The following RBM27 variants were observed in gnomAD, a reference collection of about 807,000 sequenced individuals.
RBM27 encodes the protein RNA-binding protein 27.
Under a neutral mutation model 135.3 loss-of-function variants are expected in RBM27, and 22 were observed. That is an observed-to-expected ratio of 0.16 (90% CI 0.12 to 0.23). The LOEUF is 0.23. Among genes scored for constraint, RBM27 ranks in the 10% least tolerant of loss-of-function variants. The pLI is 1.00. For missense variants in RBM27, 1,009 were observed against 1,281.0 expected (o/e 0.79, Z 3.24); for synonymous variants, 481 against 442.4 (o/e 1.09, Z -1.10).
At chr5:146,284,080 TAG>T (rs1180816036) in intron 19 of RBM27, among the ~76,000 whole-genome samples, 1 of 152,170 alleles carries the variant, frequency 6.6e-6, no homozygotes, top group Non-Finnish European at 1.5e-5. Flanking sequence ...TTTTATGAGT[TAG>T]GATAGTATTA....
intron 8 of RBM27, among the ~76,000 whole-genome samples, chr5:146,246,973 C>T (rs1757653734): frequency 6.6e-6 from 1 of 151,738 alleles, no homozygotes; most frequent in African/African-American, 2.4e-5. Flanking sequence ...AAGCAGGCCT[C>T]CTGTCTCAGC....
Position 146,267,689 on chromosome 5 carries a change from C to A in RBM27, c.2372C>A (p.Ser791Tyr). The change falls in exon 15 of 21, where the codon TCC becomes TAC. Residue 791 changes from serine (S) to tyrosine (Y), a missense_variant. Ser to Tyr is a moderately radical substitution (Grantham distance 144). Transcript: ENST00000265271. ...TPGHPKMIYS[S>Y]SNLKTPSKLC... ...GGCCATCCAAAAATGATTTACAGCT[C>A]CTCAAACTTAAAGACACCTTCAAAG... 1 of 1,597,358 alleles carries A rather than the reference C, an allele frequency of 6.3e-7. No individual in the cohort carries two copies. Among genetic ancestry groups the A allele is most frequent in the Non-Finnish European group, 8.5e-7 (1 of 1,170,130 alleles).
rs758134635 is a variant in RBM27 at position 146,288,939 on chromosome 5, A to G, written c.*2909A>G. ...GGAATAGTGGTTCCTCTTGATGTAT[A>G]GTATGCCTGTATTATAGTTTTTACA... On this transcript the variant is annotated 3_prime_UTR_variant, in exon 21 of 21. Transcript: ENST00000265271. The G allele has an allele frequency of 2.0e-5, 3 of 152,136 alleles. No individual in the cohort carries two copies. Among genetic ancestry groups the G allele is most frequent in the Non-Finnish European group, 4.4e-5 (3 of 67,948 alleles). The allele number at this position is 152,136 out of a possible 1,614,324, so 9.4% of individuals were successfully genotyped here.
intron 7 of RBM27, among the ~76,000 whole-genome samples, chr5:146,236,930 CTTT>C (rs36073661): frequency 6.4e-5 from 3 of 47,170 alleles, no homozygotes; most frequent in Non-Finnish European, 1.2e-4. Context: ...TATGATGGTC[CTTT>C]TTTTTTTTTT....
chr5:146,238,037 A>C (rs1468137383), intron 8 of RBM27, among the ~76,000 whole-genome samples: 1 of 152,140 alleles, frequency 6.6e-6, no homozygotes, highest in Non-Finnish European at 1.5e-5. Flanking sequence ...TTTTTAAAAA[A>C]ATTGTTTATC....
intron 1 of RBM27, among the ~76,000 whole-genome samples, chr5:146,216,213 C>T (rs1756186461): frequency 6.6e-6 from 1 of 152,154 alleles, no homozygotes; most frequent in Non-Finnish European, 1.5e-5. Context: ...CATGCCACCA[C>T]ACCTGGTTAA....
chr5:146,247,956 G>A (rs1757702018), intron 8 of RBM27, among the ~76,000 whole-genome samples: 1 of 152,110 alleles, frequency 6.6e-6, no homozygotes, highest in South Asian at 2.1e-4. Flanking sequence ...TTTATTGCTA[G>A]CATTCCATAT....
chr5:146,274,549 A>G (rs956270042), intron 19 of RBM27, among the ~76,000 whole-genome samples: 2 of 152,174 alleles, frequency 1.3e-5, no homozygotes, highest in Non-Finnish European at 2.9e-5. Flanking sequence ...GATTACAGGC[A>G]TGAGCCACCG....
chr5:146,274,483 C>G (rs998779091), intron 19 of RBM27, among the ~76,000 whole-genome samples: 1 of 152,166 alleles, frequency 6.6e-6, no homozygotes, highest in Non-Finnish European at 1.5e-5. Context: ...TGGTCTCAAA[C>G]TCCTGGCCTC....
intron 8 of RBM27, among the ~76,000 whole-genome samples, chr5:146,240,414 C>T (rs1757358725): frequency 6.6e-6 from 1 of 152,038 alleles, no homozygotes; most frequent in Non-Finnish European, 1.5e-5. Context: ...GCAACCTCTG[C>T]CTCCCGGGTT....
intron 10 of RBM27, among the ~76,000 whole-genome samples, chr5:146,257,513 G>A (rs1338063045): frequency 6.6e-6 from 1 of 152,094 alleles, no homozygotes; most frequent in Non-Finnish European, 1.5e-5. Context: ...ATGCTCTCTT[G>A]TATACTCTCT....
intron 3 of RBM27, 33 bp downstream of exon 3, chr5:146,223,560 C>A: frequency 6.3e-7 from 1 of 1,583,996 alleles, no homozygotes; most frequent in Non-Finnish European, 8.5e-7. Context: ...CTTTTGGGGG[C>A]TTCTTAGATC....
At chr5:146,263,666 A>C in intron 14 of RBM27, 35 bp downstream of exon 14, 1 of 1,605,232 alleles carries the variant, frequency 6.2e-7, no homozygotes, top group Non-Finnish European at 8.5e-7. Context: ...TATATTTAGA[A>C]TCATTCAGTG....
intron 1 of RBM27, among the ~76,000 whole-genome samples, chr5:146,214,999 G>T (rs1756128069): frequency 6.6e-6 from 1 of 152,048 alleles, no homozygotes; most frequent in South Asian, 2.1e-4. Context: ...GCCTAACTTG[G>T]CATATGGTTT....
chr5:146,263,486 T>C lies in RBM27; in HGVS notation c.2191-5T>C. The stretch of plus-strand genomic sequence containing the variant: ...GCCACATAAGTGTTCATTTTGTATG[T>C]GCAGATGATGAGCAAACCACAGACA... On this transcript the variant is annotated splice_polypyrimidine_tract_variant and splice_region_variant and intron_variant, in intron 13 of 20. Coordinates refer to ENST00000265271, the MANE Select transcript of RBM27 (RefSeq NM_018989.2). 1 of 1,612,402 alleles carries C rather than the reference T, an allele frequency of 6.2e-7. No homozygotes were observed. The highest frequency in any genetic ancestry group is 1.3e-5 in the African/African-American group (1 of 75,024).
At chr5:146,275,398 G>T (rs1759053244) in intron 19 of RBM27, among the ~76,000 whole-genome samples, 1 of 151,860 alleles carries the variant, frequency 6.6e-6, no homozygotes, top group Non-Finnish European at 1.5e-5. Context: ...AGTCCCTCCA[G>T]TAGTTGGGAT....
intron 9 of RBM27, 32 bp downstream of exon 9, chr5:146,251,907 A>G: frequency 2.5e-6 from 4 of 1,603,390 alleles, no homozygotes; most frequent in Non-Finnish European, 3.4e-6. Context: ...CATCCACCTC[A>G]CTGATCTTTT....
chr5:146,220,359 C>T (rs2126713073), intron 2 of RBM27, among the ~76,000 whole-genome samples: 1 of 151,830 alleles, frequency 6.6e-6, no homozygotes, highest in Non-Finnish European at 1.5e-5. Context: ...CCTGTAGTCC[C>T]AGCTACTCGG....
Position 146,204,072 on chromosome 5 carries a change from C to T in RBM27, c.59+248C>T, listed in dbSNP as rs140164928. The stretch of plus-strand genomic sequence containing the variant: ...GCAAGGACAGCGAAGGCTTTTCAAA[C>T]GCAAATATCGGGGTGCTGGAAGGGG... On this transcript the variant is annotated intron_variant, in intron 1 of 20. Transcript: ENST00000265271. Among the ~76,000 whole-genome samples, 31 of 152,114 alleles carry T rather than the reference C, an allele frequency of 2.0e-4. No homozygotes were observed. In the East Asian group the frequency reaches 5.8e-3, roughly 28 times the overall value.
Sources: allele counts gnomAD v4.1 joint callset (sites outside exome capture counted in the v4.1 genomes callset), GRCh38; gene constraint gnomAD v4.1.1; transcripts MANE v1.5; gene names NCBI Gene and HGNC (gene_info 2026-07-23, HGNC 2026-07-21).